Variants in CENPW observed in about 807,000 individuals in gnomAD.
CENPW encodes cancer-up-regulated gene 2 protein.
Under a neutral mutation model 11.1 loss-of-function variants are expected in CENPW, and 3 were observed. The observed-to-expected ratio is 0.27, with a 90% confidence interval of 0.12 to 0.70. The LOEUF is 0.70. Among genes scored for constraint, CENPW ranks in the 30% least tolerant of loss-of-function variants. The pLI is 0.77. For missense variants in CENPW, 100 were observed against 105.6 expected, an observed-to-expected ratio of 0.95 and a Z score of 0.23; for synonymous variants, 38 against 42.0, an observed-to-expected ratio of 0.91 and a Z score of 0.37.
chr6:126,350,081 G>T (rs1246569707), downstream of CENPW, among the ~76,000 whole-genome samples: 2 of 152,060 alleles, frequency 1.3e-5, no homozygotes, highest in African/African-American at 4.8e-5. Flanking sequence ...CAGGGTGGCT[G>T]TACCATTTTA....
At chr6:126,382,246 T>A in the CENPW span, among the ~76,000 whole-genome samples, 123 of 149,768 alleles carry the variant, frequency 8.2e-4, no homozygotes, top group Non-Finnish European at 1.1e-3. Context: ...AAAAAAAATA[T>A]ATATATATAT....
the CENPW span, among the ~76,000 whole-genome samples, chr6:126,392,438 G>A: frequency 6.6e-6 from 1 of 151,776 alleles, no homozygotes; most frequent in Non-Finnish European, 1.5e-5. Context: ...ACTAGCTGTG[G>A]GTCTGGCATA....
chr6:126,409,654 T>C, the CENPW span, among the ~76,000 whole-genome samples: 2 of 152,042 alleles, frequency 1.3e-5, no homozygotes, highest in Non-Finnish European at 2.9e-5. Flanking sequence ...TCCTTAATTA[T>C]TATATAATGA....
At chr6:126,355,187 AC>A in the CENPW span, among the ~76,000 whole-genome samples, 1 of 152,182 alleles carries the variant, frequency 6.6e-6, no homozygotes, top group Non-Finnish European at 1.5e-5. Context: ...GTTTAAAAGA[AC>A]ATTTAATTAT....
downstream of CENPW, among the ~76,000 whole-genome samples, chr6:126,349,659 G>T (rs1415171747): frequency 6.6e-6 from 1 of 152,040 alleles, no homozygotes; most frequent in Non-Finnish European, 1.5e-5. Context: ...TTACTGAGTA[G>T]TATTCTGTAG....
the CENPW span, among the ~76,000 whole-genome samples, chr6:126,419,910 C>T: frequency 6.6e-6 from 1 of 152,084 alleles, no homozygotes; most frequent in Non-Finnish European, 1.5e-5. Flanking sequence ...ATTTCCAGAT[C>T]CTTAACCCAG....
the CENPW span, among the ~76,000 whole-genome samples, chr6:126,429,511 G>A: frequency 1.3e-5 from 2 of 152,082 alleles, no homozygotes; most frequent in Admixed American, 6.6e-5. Flanking sequence ...CTTTCAACAT[G>A]TAATGTGCCT....
chr6:126,414,703 A>T, the CENPW span, among the ~76,000 whole-genome samples: 1 of 152,048 alleles, frequency 6.6e-6, no homozygotes, highest in Non-Finnish European at 1.5e-5. Context: ...TGACCGAATG[A>T]TGCATCTCAA....
the CENPW span, among the ~76,000 whole-genome samples, chr6:126,430,486 A>G: frequency 6.6e-6 from 1 of 152,210 alleles, no homozygotes; most frequent in Admixed American, 6.5e-5. Context: ...TATCTTTGCT[A>G]TACATTGAAC....
the CENPW span, among the ~76,000 whole-genome samples, chr6:126,470,653 C>A: frequency 6.6e-6 from 1 of 152,230 alleles, no homozygotes; most frequent in Admixed American, 6.5e-5. Flanking sequence ...TGCAGACACT[C>A]AACACCAGCC....
the CENPW span, among the ~76,000 whole-genome samples, chr6:126,382,617 G>C: frequency 6.6e-6 from 1 of 152,048 alleles, no homozygotes; most frequent in Non-Finnish European, 1.5e-5. Context: ...ATGGAGTTGA[G>C]AAACACACCA....
the CENPW span, among the ~76,000 whole-genome samples, chr6:126,470,997 T>C: frequency 6.6e-6 from 1 of 152,176 alleles, no homozygotes; most frequent in Non-Finnish European, 1.5e-5. Flanking sequence ...TGAAACTTTG[T>C]ACTTGGATTT....
chr6:126,391,536 G>C, the CENPW span, among the ~76,000 whole-genome samples: 9 of 151,700 alleles, frequency 5.9e-5, no homozygotes, highest in Admixed American at 5.3e-4. Context: ...TTACTCAAAA[G>C]CCTTTGCCCA....
chr6:126,350,646 C>T (rs548398396), downstream of CENPW, among the ~76,000 whole-genome samples: 79 of 152,146 alleles, frequency 5.2e-4, no homozygotes, highest in African/African-American at 1.8e-3. Context: ...TTGACTTATA[C>T]ATTTTTATAC....
At chr6:126,424,276 A>T in the CENPW span, among the ~76,000 whole-genome samples, 2 of 152,110 alleles carry the variant, frequency 1.3e-5, no homozygotes, top group East Asian at 3.9e-4. Context: ...ATACTTTTAG[A>T]GAGGCAAGAG....
chr6:126,454,311 A>C, the CENPW span, among the ~76,000 whole-genome samples: 13 of 151,382 alleles, frequency 8.6e-5, no homozygotes, highest in Admixed American at 7.3e-4. Flanking sequence ...AAATTGACAC[A>C]TGATCAGCCA....
At chr6:126,341,124 A>G (rs979016466) in intron 1 of CENPW, among the ~76,000 whole-genome samples, 2 of 152,208 alleles carry the variant, frequency 1.3e-5, no homozygotes, top group Non-Finnish European at 2.9e-5. Flanking sequence ...AGAAGCCCCA[A>G]TCAAACCACT....
chr6:126,432,795 A>T, the CENPW span, among the ~76,000 whole-genome samples: 1 of 152,290 alleles, frequency 6.6e-6, no homozygotes, highest in Non-Finnish European at 1.5e-5. Context: ...TATCACTTAG[A>T]CTTGGGACCT....
intron 1 of CENPW, 21 bp from the exon 2 acceptor site, chr6:126,346,184 C>A (rs1173964590): frequency 1.1e-5 from 16 of 1,437,032 alleles, no homozygotes; most frequent in Non-Finnish European, 1.5e-5. Context: ...TAAAAATCCA[C>A]TTGGATTTTC....
Sources: allele counts gnomAD v4.1 joint callset (sites outside exome capture counted in the v4.1 genomes callset), GRCh38; gene constraint gnomAD v4.1.1; transcripts MANE v1.5; gene names NCBI Gene and HGNC (gene_info 2026-07-23, HGNC 2026-07-21).